Variants in MSI2 observed in about 807,000 individuals in gnomAD.
MSI2 encodes RNA-binding protein Musashi homolog 2.
Under a neutral mutation model 45.6 loss-of-function variants are expected in MSI2, and 17 were observed. That is an observed-to-expected ratio of 0.37 (90% CI 0.26 to 0.56). The LOEUF is 0.56. Among genes scored for constraint, MSI2 ranks in the 20% least tolerant of loss-of-function variants. MSI2 has a pLI of 0.77. For synonymous variants in MSI2, 156 were observed against 158.2 expected (o/e 0.99, Z 0.11); for missense variants, 293 against 444.2 (o/e 0.66, Z 3.06).
intron 6 of MSI2, among the ~76,000 whole-genome samples, chr17:57,508,860 G>C (rs564973927): frequency 6.6e-6 from 1 of 152,224 alleles, no homozygotes; most frequent in Non-Finnish European, 1.5e-5. Flanking sequence ...GTTCTTGCAC[G>C]TGTTCATGCA....
intron 9 of MSI2, among the ~76,000 whole-genome samples, chr17:57,620,872 G>A (rs7210137): frequency 0.86 from 130,829 of 152,174 alleles, 56,384 homozygotes; most frequent in Admixed American, 0.88. Context: ...TGAATCAGAT[G>A]CAGTGTCAAG....
At chr17:57,505,630 A>G (rs2086210957) in intron 6 of MSI2, among the ~76,000 whole-genome samples, 1 of 152,144 alleles carries the variant, frequency 6.6e-6, no homozygotes, top group South Asian at 2.1e-4. Context: ...TAGGCTATTC[A>G]CTCTTTTGCC....
In MSI2 at chr17:57,467,777, C is replaced by G. The variant is rs576167532; in HGVS notation, c.406-61899C>G. On this transcript the variant is annotated intron_variant, in intron 6 of 13. Coordinates refer to ENST00000284073, the MANE Select transcript of MSI2 (RefSeq NM_138962.4). ...GAACATTTACGGATGTCTGTACTGACTGACCCTCCAGGAAGGCCATTCTCA... is the reference window on the plus strand; with the variant it reads ...GAACATTTACGGATGTCTGTACTGAGTGACCCTCCAGGAAGGCCATTCTCA... Among the ~76,000 whole-genome samples the G allele has an allele frequency of 7.0e-4, 107 of 152,196 alleles. 1 individual carries two copies. The highest frequency in any genetic ancestry group is 3.3e-4 in the Admixed American group (5 of 15,298).
chr17:57,398,266 G>A (rs1015012927), intron 5 of MSI2, among the ~76,000 whole-genome samples: 5 of 152,176 alleles, frequency 3.3e-5, no homozygotes, highest in African/African-American at 4.8e-5. Flanking sequence ...ATACCCGCCC[G>A]ACTCTAAACA....
At chr17:57,468,361 T>C (rs1205984198) in intron 6 of MSI2, among the ~76,000 whole-genome samples, 3 of 150,956 alleles carry the variant, frequency 2.0e-5, no homozygotes, top group Non-Finnish European at 4.4e-5. Context: ...CTACTAAAAA[T>C]ACAAAAAAAA....
chr17:57,470,267 TA>T (rs2143680013), intron 6 of MSI2, among the ~76,000 whole-genome samples: 1 of 128,830 alleles, frequency 7.8e-6, no homozygotes, highest in South Asian at 2.8e-4. Context: ...AATACCTTCA[TA>T]TTGAAATTTT....
chr17:57,533,908 C>T (rs2086871453), intron 7 of MSI2, among the ~76,000 whole-genome samples: 1 of 152,232 alleles, frequency 6.6e-6, no homozygotes, highest in Non-Finnish European at 1.5e-5. Flanking sequence ...CACTCCCAGC[C>T]ACTGGGAAGG....
intron 5 of MSI2, chr17:57,278,475 G>A (rs1909084412): frequency 6.6e-6 from 1 of 152,288 alleles, no homozygotes; most frequent in Non-Finnish European, 1.5e-5. Context: ...ACCCACATTA[G>A]GTTTTGGAAC....
At chr17:57,503,252 C>T (rs1159172370) in intron 6 of MSI2, among the ~76,000 whole-genome samples, 2 of 152,152 alleles carry the variant, frequency 1.3e-5, no homozygotes, top group African/African-American at 4.8e-5. Context: ...GATGAAGTCT[C>T]AATAAATCAG....
At chr17:57,338,079 G>A (rs1218494781) in intron 5 of MSI2, among the ~76,000 whole-genome samples, 5 of 152,016 alleles carry the variant, frequency 3.3e-5, no homozygotes, top group African/African-American at 1.2e-4. Context: ...AGATTTGTAT[G>A]GGTTTTATTT....
chr17:57,555,764 G>A (rs1393917483), intron 7 of MSI2, among the ~76,000 whole-genome samples: 1 of 152,188 alleles, frequency 6.6e-6, no homozygotes, highest in African/African-American at 2.4e-5. Context: ...AAGAGTGATG[G>A]TGTTTATCCT....
At chr17:57,569,194 G>T (rs1466013250) in intron 7 of MSI2, among the ~76,000 whole-genome samples, 1 of 152,174 alleles carries the variant, frequency 6.6e-6, no homozygotes, top group Non-Finnish European at 1.5e-5. Context: ...GCCAGCATGT[G>T]CTTCTAATCA....
intron 6 of MSI2, among the ~76,000 whole-genome samples, chr17:57,514,041 G>T (rs1300994363): frequency 6.6e-6 from 1 of 152,120 alleles, no homozygotes; most frequent in African/African-American, 2.4e-5. Context: ...GAACCCTTAG[G>T]CTTGAGAGGG....
intron 6 of MSI2, among the ~76,000 whole-genome samples, chr17:57,487,364 C>T (rs1027618027): frequency 3.9e-5 from 6 of 152,188 alleles, no homozygotes; most frequent in South Asian, 2.1e-4. Flanking sequence ...CTCCGTGCCT[C>T]TCTTTTTTCT....
intron 6 of MSI2, among the ~76,000 whole-genome samples, chr17:57,485,543 A>G (rs1282245560): frequency 1.3e-5 from 2 of 152,164 alleles, no homozygotes; most frequent in Non-Finnish European, 2.9e-5. Context: ...CTTGCGAAAC[A>G]TGGAGCTGCT....
intron 5 of MSI2, among the ~76,000 whole-genome samples, chr17:57,300,959 A>G (rs946936673): frequency 5.3e-5 from 8 of 152,232 alleles, no homozygotes; most frequent in South Asian, 2.1e-4. Context: ...CAGCCAAACC[A>G]TATCAGTGAG....
chr17:57,574,909 C>T (rs1295253604), intron 7 of MSI2, among the ~76,000 whole-genome samples: 1 of 149,904 alleles, frequency 6.7e-6, no homozygotes, highest in African/African-American at 2.5e-5. Context: ...CAGCTCACTG[C>T]AAGCTCCGCC....
chr17:57,477,140 G>A (rs2085552849), intron 6 of MSI2, among the ~76,000 whole-genome samples: 1 of 143,750 alleles, frequency 7.0e-6, no homozygotes, highest in South Asian at 2.3e-4. Context: ...TGGTCCATAA[G>A]GCCTGGTGTG....
At chr17:57,293,569 T>C (rs1910631136) in intron 5 of MSI2, among the ~76,000 whole-genome samples, 1 of 151,738 alleles carries the variant, frequency 6.6e-6, no homozygotes, top group African/African-American at 2.4e-5. Context: ...CCTCTGAATA[T>C]GTAATCAGTG....
Sources: gnomAD v4.1 joint callset for allele counts (sites outside exome capture counted in the v4.1 genomes callset) on GRCh38, gnomAD v4.1.1 for gene constraint, MANE v1.5 for transcripts, NCBI Gene and HGNC (gene_info 2026-07-23, HGNC 2026-07-21) for gene names.